FOXK1: variants seen among roughly 807,000 people sequenced by gnomAD.
FOXK1 encodes the protein forkhead box protein K1.
A neutral mutation model predicts 51.9 loss-of-function variants in FOXK1; 19 were observed. The observed-to-expected ratio is 0.37, with a 90% CI of 0.26 to 0.54. The LOEUF (loss-of-function observed/expected upper bound fraction) is 0.54. Among genes scored for constraint, FOXK1 ranks in the 20% least tolerant of loss-of-function variants. FOXK1 has a pLI of 0.87. For missense variants in FOXK1, 870 were observed against 1,032.7 expected (o/e 0.84, Z 2.16); for synonymous variants, 537 against 482.6 (o/e 1.11, Z -1.48).
Position 4,733,806 on chromosome 7 carries a change from A to G in FOXK1, c.561-7032A>G, listed in dbSNP as rs1307283473. On this transcript the variant is annotated intron_variant, in intron 1 of 8. Coordinates refer to ENST00000328914, the MANE Select transcript of FOXK1 (RefSeq NM_001037165.2). This position sits in a 1 kb window ranked among gnomAD's most constrained non-coding sequence, Gnocchi z 5.0. ...GGAGAGGCTGCTCTGAGGTCCCCGA[A>G]GCTGCAGGCTGGGTGGGACGGTGGG... Among the ~76,000 whole-genome samples the G allele has an allele frequency of 6.6e-6, 1 of 152,210 alleles. No homozygotes were observed. The highest frequency in any genetic ancestry group is 1.5e-5 in the Non-Finnish European group (1 of 68,038).
chr7:4,760,665 A>G (rs1179937854), intron 7 of FOXK1, among the ~76,000 whole-genome samples: 3 of 152,190 alleles, frequency 2.0e-5, no homozygotes, highest in African/African-American at 4.8e-5. Flanking sequence ...AGCCTGGCCA[A>G]CATGGTGAAA....
At chr7:4,726,617 G>A (rs1188774522) in intron 1 of FOXK1, among the ~76,000 whole-genome samples, 3 of 150,462 alleles carry the variant, frequency 2.0e-5, no homozygotes, top group African/African-American at 4.9e-5. Flanking sequence ...GCGAGACTCC[G>A]TCTCAAAAAA....
intron 1 of FOXK1, among the ~76,000 whole-genome samples, chr7:4,721,740 G>C (rs185610105): frequency 2.1e-4 from 32 of 151,784 alleles, no homozygotes; most frequent in African/African-American, 6.8e-4. Flanking sequence ...ACAGGCGTGA[G>C]ACACCACGCC....
rs150062504 is a variant in FOXK1 at position 4,721,843 on chromosome 7, G to C, written c.561-18995G>C. On this transcript the variant is annotated intron_variant, in intron 1 of 8. Coordinates refer to ENST00000328914, the MANE Select transcript of FOXK1 (RefSeq NM_001037165.2). Reference sequence around the variant, plus strand: ...TGACCTCATGTGATCCTCCTGCCTCGGCCTCCCAAAGTGCTGAGATTACAG... The same window carrying C: ...TGACCTCATGTGATCCTCCTGCCTCCGCCTCCCAAAGTGCTGAGATTACAG... Among the ~76,000 whole-genome samples the C allele has an allele frequency of 7.2e-3, 1,092 of 151,838 alleles. 5 individuals are homozygous for C. The highest frequency in any genetic ancestry group is 0.012 in the Non-Finnish European group (834 of 67,924).
chr7:4,762,300 G>A lies in FOXK1; in HGVS notation c.2038G>A (p.Ala680Thr), dbSNP rs1268723854. 13 of 1,550,084 alleles carry A rather than the reference G, an allele frequency of 8.4e-6. No homozygotes were observed. The highest frequency in any genetic ancestry group is 1.1e-5 in the Non-Finnish European group (13 of 1,146,806). Reference protein sequence around the residue: ...KEPAAAVAATATTTPATATTA... With the variant: ...KEPAAAVAATTTTTPATATTA... ...GCCAGCAGCAGCCGTCGCGGCCACG[G>A]CCACCACCACCCCAGCCACTGCCAC... The change falls in exon 9 of 9, where the codon GCC becomes ACC. Residue 680 changes from alanine (A) to threonine (T), a missense_variant. Ala to Thr is a moderately conservative substitution (Grantham distance 58, BLOSUM62 0). Around this residue, in one of 3 missense-constraint regions of FOXK1, gnomAD observed 457 missense variants for 510.8 expected, o/e 0.89. Coordinates refer to ENST00000328914, the MANE Select transcript of FOXK1 (RefSeq NM_001037165.2). This position sits in a 1 kb window ranked among gnomAD's most constrained non-coding sequence, Gnocchi z 5.7.
At chr7:4,725,516 C>T (rs540557900) in intron 1 of FOXK1, among the ~76,000 whole-genome samples, 6 of 152,364 alleles carry the variant, frequency 3.9e-5, no homozygotes, top group African/African-American at 9.6e-5. Context: ...CTTTCTCTTT[C>T]GCTCCGCAGG....
rs997048138 is a variant in FOXK1, at chr7:4,682,439, C to T, written c.131C>T (p.Ala44Val). The T allele has an allele frequency of 7.1e-6, 7 of 981,784 alleles. No individual in the cohort carries two copies. In the African/African-American group the frequency reaches 1.1e-4, roughly 15 times the overall value. 60.8% of individuals were successfully genotyped at this position (981,784 alleles called of 1,614,324 possible). Residue 44 changes from alanine to valine, a missense_variant, in exon 1 of 9, where the codon GCG becomes GTG. Around this residue, in one of 3 missense-constraint regions of FOXK1, gnomAD observed 399 missense variants for 475.6 expected, o/e 0.84. Transcript: ENST00000328914. This position sits in a 1 kb window ranked among gnomAD's most constrained non-coding sequence, Gnocchi z 7.6. ...FPAAAPPPAP[A>V]QPQPPPGPPP... ...GCGGCCGCACCCCCGCCGGCCCCCG[C>T]GCAGCCCCAGCCTCCGCCCGGGCCG... is the stretch of plus-strand genomic sequence containing the variant.
rs1779785760 is a variant in FOXK1 at position 4,683,922 on chromosome 7, A to G, written c.560+1054A>G. 6.6e-6 allele frequency among the ~76,000 whole-genome samples: 1 copy of G among 152,090 alleles called. No homozygotes were observed. The highest frequency in any genetic ancestry group is 2.4e-5 in the African/African-American group (1 of 41,418). On this transcript the variant is annotated intron_variant, in intron 1 of 8. Transcript: ENST00000328914. The surrounding 1 kb of genome is among the most constrained non-coding windows in gnomAD (Gnocchi z 4.5). ...GCCTGTGCCTCAGTTTACATCCCCA[A>G]CTAGTGCTCCTTGGATGGAGTAGCG...
intron 1 of FOXK1, among the ~76,000 whole-genome samples, chr7:4,702,828 C>G (rs1207404666): frequency 6.6e-6 from 1 of 152,190 alleles, no homozygotes; most frequent in African/African-American, 2.4e-5. Context: ...TTGACGGGGC[C>G]TCTGGCCTCC....
chr7:4,700,604 C>CCAGGTGTTGAAGA (rs540913515), intron 1 of FOXK1, among the ~76,000 whole-genome samples: 130 of 152,166 alleles, frequency 8.5e-4, no homozygotes, highest in African/African-American at 2.9e-3. Context: ...TCGCTTGAAG[C>CCAGGTGTTGAAGA]CAGGTGTTGA....
Position 4,762,710 on chromosome 7 carries a change from C to T in FOXK1, c.*246C>T, listed in dbSNP as rs1370691182. The stretch of plus-strand genomic sequence containing the variant: ...TTCTGGGAATTCTTTGCTTTCCTTT[C>T]CTTCTCCCTCGGCACCACCTCCTCT... On this transcript the variant is annotated 3_prime_UTR_variant, in exon 9 of 9. Transcript: ENST00000328914. The surrounding 1 kb of genome is among the most constrained non-coding windows in gnomAD (Gnocchi z 5.7). 7.7e-6 allele frequency: 4 copies of T among 518,794 alleles called. No homozygotes were observed. Among genetic ancestry groups the T allele is most frequent in the Non-Finnish European group, 1.0e-5 (3 of 287,420 alleles). The allele number at this position is 518,794 out of a possible 1,614,324, so 32.1% of individuals were successfully genotyped here.
chr7:4,694,568 A>AT (rs1779930054), intron 1 of FOXK1, among the ~76,000 whole-genome samples: 1 of 152,158 alleles, frequency 6.6e-6, no homozygotes, highest in Non-Finnish European at 1.5e-5. Context: ...CCGCCCACAG[A>AT]CCCCAACAGT....
At chr7:4,692,782 A>G (rs958708366) in intron 1 of FOXK1, among the ~76,000 whole-genome samples, 1 of 151,752 alleles carries the variant, frequency 6.6e-6, no homozygotes, top group Non-Finnish European at 1.5e-5. Context: ...GCTAGAGTGC[A>G]GTGGTGCAAT....
rs750663926 is a variant in FOXK1 at position 4,740,901 on chromosome 7, A to C, written c.624A>C (p.Glu208Asp). The change falls in exon 2 of 9, where the codon GAA (glutamate) becomes GAC (aspartate). Residue 208 changes from glutamate (E) to aspartate (D), a missense_variant. Around this residue, in one of 3 missense-constraint regions of FOXK1, gnomAD observed 399 missense variants for 475.6 expected, o/e 0.84. Transcript: ENST00000328914. ...AGTTCACGTCGCTCTATCACAAAGA[A>C]GAGGCCCCAGCCTCCCCGCTGCGGC... Reference protein sequence around the residue: ...KIQFTSLYHKEEAPASPLRPL... With the variant: ...KIQFTSLYHKDEAPASPLRPL... 2 of 1,591,432 alleles carry C rather than the reference A, an allele frequency of 1.3e-6. No homozygotes were observed. Among genetic ancestry groups the C allele is most frequent in the South Asian group, 1.1e-5 (1 of 87,606 alleles).
chr7:4,694,863 T>G lies in FOXK1; in HGVS notation c.560+11995T>G, dbSNP rs116211549. ...AATGCCCAAGCCGCCCCGGGTGGGA[T>G]TAGTCGTCTACCTTCCCAGAAATAC... On this transcript the variant is annotated intron_variant, in intron 1 of 8. Coordinates refer to ENST00000328914, the MANE Select transcript of FOXK1 (RefSeq NM_001037165.2). 5.9e-3 allele frequency among the ~76,000 whole-genome samples: 897 copies of G among 152,250 alleles called. 11 individuals carry two copies. The highest frequency in any genetic ancestry group is 0.02 in the African/African-American group (847 of 41,534).
chr7:4,685,035 T>G lies in FOXK1; in HGVS notation c.560+2167T>G, dbSNP rs576757286. 2.4e-3 allele frequency among the ~76,000 whole-genome samples: 372 copies of G among 152,076 alleles called. 3 individuals are homozygous for G. The highest frequency in any genetic ancestry group is 8.7e-3 in the African/African-American group (359 of 41,476). On this transcript the variant is annotated intron_variant, in intron 1 of 8. Coordinates refer to ENST00000328914, the MANE Select transcript of FOXK1 (RefSeq NM_001037165.2). ...CTACACAGATGCCCGCCCGCTGACT[T>G]GGTGCATTAGATGTGCGTGAAGTGC...
intron 1 of FOXK1, among the ~76,000 whole-genome samples, chr7:4,695,394 A>G (rs1779938851): frequency 6.6e-6 from 1 of 152,126 alleles, no homozygotes; most frequent in Non-Finnish European, 1.5e-5. Context: ...CTACCTTTGG[A>G]TTGGCCAATC....
rs760274861 is a variant in FOXK1, at chr7:4,682,900, C to T, written c.560+32C>T. On this transcript the variant is annotated intron_variant, in intron 1 of 8. Transcript: ENST00000328914. The surrounding 1 kb of genome is among the most constrained non-coding windows in gnomAD (Gnocchi z 7.6). ...GGCCCCGCGACCCCCGCCGCCCGCACCCGGGGCTCGCCCACGACCTCGATC... is the reference window on the plus strand; with the variant it reads ...GGCCCCGCGACCCCCGCCGCCCGCATCCGGGGCTCGCCCACGACCTCGATC... 1.4e-6 allele frequency: 2 copies of T among 1,428,636 alleles called. No homozygotes were observed. The highest frequency in any genetic ancestry group is 1.5e-5 in the African/African-American group (1 of 68,130). The allele number at this position is 1,428,636 out of a possible 1,614,324, so 88.5% of individuals were successfully genotyped here.
rs1454216248 is a variant in FOXK1, at chr7:4,755,265, C to T, written c.932C>T (p.Ala311Val). The change falls in exon 4 of 9, where the codon GCG becomes GTG. Residue 311 changes from alanine to valine, a missense_variant. By Grantham distance (64) the Ala-to-Val change is moderately conservative. This residue lies in a region of FOXK1 where 399 missense variants were observed against 475.6 expected (regional missense o/e 0.84). Coordinates refer to ENST00000328914, the MANE Select transcript of FOXK1 (RefSeq NM_001037165.2). This position sits in a 1 kb window ranked among gnomAD's most constrained non-coding sequence, Gnocchi z 6.6. The stretch of plus-strand genomic sequence containing the variant: ...GAGTCAAAGCCGCCGTTCTCCTACG[C>T]GCAGCTGATCGTGCAGGCCATCTCC... ...KDESKPPFSY[A>V]QLIVQAISSA... 6.2e-7 allele frequency: 1 copy of T among 1,614,022 alleles called. No individual in the cohort carries two copies. Among genetic ancestry groups the T allele is most frequent in the Non-Finnish European group, 8.5e-7 (1 of 1,180,022 alleles).
Sources: allele counts gnomAD v4.1 joint callset (sites outside exome capture counted in the v4.1 genomes callset), GRCh38; gene constraint gnomAD v4.1.1; regional missense constraint gnomAD v4.1.1; non-coding constraint Gnocchi (gnomAD v3.1); transcripts MANE v1.5; gene names NCBI Gene and HGNC (gene_info 2026-07-23, HGNC 2026-07-21).